Variants in RGS7 observed in about 807,000 individuals in gnomAD.
RGS7 encodes the protein regulator of G-protein signaling 7.
A neutral mutation model predicts 81.1 loss-of-function variants in RGS7; 27 were observed. That is an observed-to-expected ratio of 0.33 (90% CI 0.25 to 0.46). RGS7 has a LOEUF of 0.46. Ranked by LOEUF, RGS7 falls within the 20% of genes least tolerant of loss-of-function variation. RGS7 has a pLI of 1.00. For synonymous variants in RGS7, 208 were observed against 207.7 expected, an observed-to-expected ratio of 1.00 and a Z score of -0.01; for missense variants, 396 against 607.4, an observed-to-expected ratio of 0.65 and a Z score of 3.66.
At position 240,981,103 on chromosome 1, in the gene RGS7, TTTTG is replaced by T. The variant is rs149348055; in HGVS notation, c.226+1972_226+1975del. Among the ~76,000 whole-genome samples the T allele has an allele frequency of 4.9e-3, 739 of 151,962 alleles. 4 individuals are homozygous for T. Among genetic ancestry groups the T allele is most frequent in the African/African-American group, 9.6e-3 (398 of 41,354 alleles). On this transcript the variant is annotated intron_variant, in intron 4 of 18. Coordinates refer to ENST00000440928, the MANE Select transcript of RGS7 (RefSeq NM_001364886.1). ...TTACTGAACTACACCTTCAGGTTTT[TTTTG>T]TTTGTTTGTTTGTTTGTTTCGAGAC...
In RGS7 at chr1:241,157,882, G is replaced by A. The variant is rs1026335767; in HGVS notation, c.79-59120C>T. ...TGCCCAGGCTGGAGTGCAGTGGTGC[G>A]ATCTGGGCTCACTGCAAGCTCCACC... On this transcript the variant is annotated intron_variant, in intron 2 of 18. Coordinates refer to ENST00000440928, the MANE Select transcript of RGS7 (RefSeq NM_001364886.1). Among the ~76,000 whole-genome samples the A allele has an allele frequency of 4.6e-5, 4 of 87,354 alleles. No homozygotes were observed. In the East Asian group the frequency reaches 9.0e-4, roughly 20 times the overall value. 57.3% of individuals were successfully genotyped at this position (87,354 alleles called of 152,430 possible). A position where few individuals can be genotyped will look rare whatever the true frequency, so the allele number is the denominator to read the frequency against.
chr1:241,121,006 A>G (rs1405193667), intron 2 of RGS7, among the ~76,000 whole-genome samples: 1 of 152,210 alleles, frequency 6.6e-6, no homozygotes, highest in Non-Finnish European at 1.5e-5. Flanking sequence ...GCTTTGCTCC[A>G]GGTCTAACAG....
intron 2 of RGS7, among the ~76,000 whole-genome samples, chr1:241,306,362 T>C (rs2080133227): frequency 6.8e-6 from 1 of 146,516 alleles, no homozygotes; most frequent in Non-Finnish European, 1.5e-5. Context: ...TATACACACA[T>C]GTCCACACAC....
chr1:241,239,010 C>A (rs566943239), intron 2 of RGS7, among the ~76,000 whole-genome samples: 1 of 137,880 alleles, frequency 7.3e-6, no homozygotes, highest in African/African-American at 2.8e-5. Context: ...GCTCTGTTGC[C>A]CAGGCTGGAG....
intron 10 of RGS7, chr1:240,823,303 A>G (rs16840767): frequency 0.035 from 21,012 of 601,330 alleles, 2,514 homozygotes; most frequent in African/African-American, 0.29. Context: ...ATAAATGCCA[A>G]TGGATACATC....
intron 3 of RGS7, among the ~76,000 whole-genome samples, chr1:241,008,086 A>G (rs1320187143): frequency 6.6e-6 from 1 of 152,206 alleles, no homozygotes; most frequent in Non-Finnish European, 1.5e-5. Flanking sequence ...ACCTGTATGC[A>G]AAGATCCGTC....
Position 240,803,995 on chromosome 1 carries a change from T to G in RGS7, c.1270-1002A>C, listed in dbSNP as rs142612898. Among the ~76,000 whole-genome samples, 1,172 of 152,290 alleles carry G rather than the reference T, an allele frequency of 7.7e-3. 4 individuals carry two copies. Among genetic ancestry groups the G allele is most frequent in the Non-Finnish European group, 0.012 (838 of 68,000 alleles). ...GATTAAATCTCAAGACTTAGCCCAA[T>G]GGTGATCTTCAAAGGATGTTAAGTT... On this transcript the variant is annotated intron_variant, in intron 15 of 18. Transcript: ENST00000440928.
chr1:241,331,566 C>T (rs1393193534), intron 2 of RGS7, among the ~76,000 whole-genome samples: 2 of 152,162 alleles, frequency 1.3e-5, no homozygotes. Flanking sequence ...TATTCACTTG[C>T]ATACTGTGAG....
intron 18 of RGS7, among the ~76,000 whole-genome samples, chr1:240,779,403 C>T (rs777945455): frequency 3.3e-5 from 5 of 152,152 alleles, no homozygotes; most frequent in Non-Finnish European, 4.4e-5. Context: ...GATCCACCTG[C>T]CTTGGCCTCC....
intron 2 of RGS7, among the ~76,000 whole-genome samples, chr1:241,100,813 G>A (rs900422296): frequency 1.3e-5 from 2 of 152,290 alleles, no homozygotes; most frequent in African/African-American, 2.4e-5. Flanking sequence ...GCACACCCAC[G>A]ATATCTGGGG....
chr1:240,923,504 A>G (rs552201891), intron 6 of RGS7, among the ~76,000 whole-genome samples: 3 of 152,104 alleles, frequency 2.0e-5, no homozygotes, highest in Non-Finnish European at 4.4e-5. Flanking sequence ...AAGTCCATTA[A>G]TTTTTAAAAC....
At chr1:240,788,447 G>C (rs373895621) in intron 18 of RGS7, among the ~76,000 whole-genome samples, 9 of 152,162 alleles carry the variant, frequency 5.9e-5, no homozygotes, top group Admixed American at 2.0e-4. Flanking sequence ...GGTACATCTA[G>C]GGCAGTGGTT....
At chr1:240,980,011 A>G (rs1684689335) in intron 4 of RGS7, among the ~76,000 whole-genome samples, 1 of 152,222 alleles carries the variant, frequency 6.6e-6, no homozygotes, top group Admixed American at 6.5e-5. Context: ...AGCAGAAGAA[A>G]AACATTTTAG....
At chr1:240,845,756 T>C (rs533171858) in intron 9 of RGS7, among the ~76,000 whole-genome samples, 1 of 152,364 alleles carries the variant, frequency 6.6e-6, no homozygotes, top group East Asian at 1.9e-4. Context: ...TCCACATGCA[T>C]TATTGTTCTC....
intron 18 of RGS7, among the ~76,000 whole-genome samples, chr1:240,785,240 G>A (rs1684866769): frequency 6.6e-6 from 1 of 152,150 alleles, no homozygotes; most frequent in African/African-American, 2.4e-5. Flanking sequence ...TACCCACGAA[G>A]TGGTTCTTTG....
At chr1:240,917,046 A>C (rs1316096089) in intron 6 of RGS7, among the ~76,000 whole-genome samples, 3 of 152,174 alleles carry the variant, frequency 2.0e-5, no homozygotes, top group Admixed American at 1.3e-4. Context: ...AGAAAAAATA[A>C]AATAACTGCT....
chr1:240,938,466 G>A (rs1677008193), intron 4 of RGS7, among the ~76,000 whole-genome samples: 1 of 152,102 alleles, frequency 6.6e-6, no homozygotes, highest in African/African-American at 2.4e-5. Flanking sequence ...GAGTAACTAA[G>A]TAGCTAGCTA....
chr1:241,027,787 G>C (rs893282686), intron 3 of RGS7, among the ~76,000 whole-genome samples: 6 of 152,050 alleles, frequency 3.9e-5, no homozygotes, highest in Non-Finnish European at 5.9e-5. Context: ...TCAAGAATTG[G>C]GTTTTGTGGA....
chr1:241,150,707 A>C (rs1169051589), intron 2 of RGS7, among the ~76,000 whole-genome samples: 1 of 152,232 alleles, frequency 6.6e-6, no homozygotes, highest in Non-Finnish European at 1.5e-5. Flanking sequence ...ATATAGATGT[A>C]GATACAGATA....
Sources: gnomAD v4.1 joint callset for allele counts (sites outside exome capture counted in the v4.1 genomes callset) on GRCh38, gnomAD v4.1.1 for gene constraint, MANE v1.5 for transcripts, NCBI Gene and HGNC (gene_info 2026-07-23, HGNC 2026-07-21) for gene names.